Variants in DIMT1 observed in about 807,000 individuals in gnomAD.
DIMT1 encodes the protein DIM1 rRNA methyltransferase and ribosome maturation factor.
In DIMT1, 36 loss-of-function variants were observed where a neutral mutation model predicts 43.2. The ratio of observed to expected loss-of-function variants is 0.83; its 90% CI spans 0.64 to 1.10. The LOEUF is 1.10. DIMT1 is among the 50% of genes least tolerant of loss of function. The pLI is 0.00. For synonymous variants in DIMT1, 126 were observed against 130.3 expected (o/e 0.97, Z 0.22); for missense variants, 341 against 385.3 (o/e 0.88, Z 0.96).
chr5:62,400,860 G>A (rs1475447533), intron 3 of DIMT1, among the ~76,000 whole-genome samples: 1 of 151,838 alleles, frequency 6.6e-6, no homozygotes, highest in Non-Finnish European at 1.5e-5. Context: ...CCAGGCTCAG[G>A]TAAACCTCCC....
intron 10 of DIMT1, chr5:62,391,693 A>G (rs532264492): frequency 2.2e-4 from 282 of 1,270,754 alleles, no homozygotes; most frequent in Non-Finnish European, 2.7e-4. Context: ...CACAAATGAT[A>G]CGCATGAGGC....
intron 6 of DIMT1, among the ~76,000 whole-genome samples, chr5:62,396,613 GAGT>G (rs1453028538): frequency 6.6e-6 from 1 of 152,196 alleles, no homozygotes. Context: ...TGAGAGGAAG[GAGT>G]AGAAGTATTA....
rs1001557023 is a variant in DIMT1 at position 62,387,456 on chromosome 5, C to T, written c.*1554G>A. ...ATTATTTGCATTGGATGGGTACTGT[C>T]TTTGGAAAGTCTCCTTATAGACAAA... is the stretch of plus-strand genomic sequence containing the variant. On this transcript the variant is annotated 3_prime_UTR_variant, in exon 12 of 12. Transcript: ENST00000199320. 6 of 152,164 alleles carry T rather than the reference C, an allele frequency of 3.9e-5. No individual in the cohort carries two copies. Among genetic ancestry groups the T allele is most frequent in the African/African-American group, 1.4e-4 (6 of 41,432 alleles). 9.4% of individuals were successfully genotyped at this position (152,164 alleles called of 1,614,324 possible).
chr5:62,396,230 G>A (rs1481793927), intron 6 of DIMT1, among the ~76,000 whole-genome samples: 7 of 146,390 alleles, frequency 4.8e-5, no homozygotes, highest in East Asian at 2.1e-4. Context: ...AGAAGGGCTG[G>A]GCACCATGGT....
intron 7 of DIMT1, 66 bp downstream of exon 7, chr5:62,394,418 T>G: frequency 6.4e-7 from 1 of 1,566,408 alleles, no homozygotes; most frequent in Non-Finnish European, 8.8e-7. Context: ...GCCACTGCAC[T>G]GCAGCCTGGG....
chr5:62,392,804 T>A (rs1486531279), intron 9 of DIMT1, 122 bp downstream of exon 9: 5 of 550,670 alleles, frequency 9.1e-6, no homozygotes, highest in Non-Finnish European at 1.6e-5. Context: ...GTTTAAAAGG[T>A]GAAGTTTGTC....
chr5:62,403,874 C>A lies in DIMT1; in HGVS notation c.-102G>T. 7.7e-7 allele frequency: 1 copy of A among 1,298,336 alleles called. No individual in the cohort carries two copies. The highest frequency in any genetic ancestry group is 1.1e-6 in the Non-Finnish European group (1 of 937,834). The allele number at this position is 1,298,336 out of a possible 1,614,324, so 80.4% of individuals were successfully genotyped here. A position where few individuals can be genotyped will look rare whatever the true frequency, so the allele number is the denominator to read the frequency against. ...GGGGATCGCCGCCACGCGCCGCCCG[C>A]ACCACTCTGGCCCAAGCGCCGGAGG... On this transcript the variant is annotated 5_prime_UTR_variant, in exon 1 of 12. Transcript: ENST00000199320.
At position 62,398,809 on chromosome 5, in the gene DIMT1, T is replaced by C. The variant is rs377427360; in HGVS notation, c.302+11A>G. Reference sequence around the variant, plus strand: ...ATTGAAATGCACTTTAATTCTATTATGTATACTCACGTGCCCTGAACTCTT... The same window carrying C: ...ATTGAAATGCACTTTAATTCTATTACGTATACTCACGTGCCCTGAACTCTT... On this transcript the variant is annotated intron_variant, in intron 4 of 11. Coordinates refer to ENST00000199320, the MANE Select transcript of DIMT1 (RefSeq NM_014473.4). The C allele has an allele frequency of 4.0e-5, 64 of 1,613,912 alleles. No individual in the cohort carries two copies. The highest frequency in any genetic ancestry group is 6.8e-6 in the Non-Finnish European group (8 of 1,179,866).
chr5:62,395,588 CA>C (rs75941055), intron 6 of DIMT1, among the ~76,000 whole-genome samples: 25,357 of 150,520 alleles, frequency 0.17, 2,280 homozygotes, highest in East Asian at 0.29. Flanking sequence ...CATGTGATTA[CA>C]AAAAAAAAGA....
intron 3 of DIMT1, among the ~76,000 whole-genome samples, chr5:62,400,663 T>C (rs558967351): frequency 6.6e-6 from 1 of 152,034 alleles, no homozygotes; most frequent in Non-Finnish European, 1.5e-5. Context: ...GGATTACAGA[T>C]GTGGGCCACA....
At chr5:62,402,265 G>C in intron 2 of DIMT1, 143 bp from the exon 3 acceptor site, 2 of 791,460 alleles carry the variant, frequency 2.5e-6, no homozygotes, top group South Asian at 3.5e-5. Flanking sequence ...TGATCTACGT[G>C]GTTAACAAAA....
At position 62,390,903 on chromosome 5, in the gene DIMT1, C is replaced by T. The variant is rs755000236; in HGVS notation, c.872G>A (p.Arg291His). 134 of 1,611,884 alleles carry T rather than the reference C, an allele frequency of 8.3e-5. No homozygotes were observed. Among genetic ancestry groups the T allele is most frequent in the Non-Finnish European group, 1.0e-4 (118 of 1,179,826 alleles). ...GATGAAGTCATCTATGTCCATGGAA[C>T]GGGCCCGTTTGTCACTAAAACCTGT... ...TSTGFSDKRARSMDIDDFIRL... is the reference protein window; with the variant it reads ...TSTGFSDKRAHSMDIDDFIRL... Residue 291 changes from arginine (R) to histidine (H), a missense_variant, in exon 11 of 12, where the codon CGT becomes CAT. Physicochemically the swap from Arg to His is conservative, Grantham distance 29. Coordinates refer to ENST00000199320, the MANE Select transcript of DIMT1 (RefSeq NM_014473.4).
chr5:62,393,603 C>T (rs1742378273), intron 8 of DIMT1, among the ~76,000 whole-genome samples: 1 of 152,182 alleles, frequency 6.6e-6, no homozygotes, highest in African/African-American at 2.4e-5. Context: ...TCTAATGTGG[C>T]TGTAGTAAGG....
chr5:62,396,342 T>C (rs1467315843), intron 6 of DIMT1, among the ~76,000 whole-genome samples: 1 of 151,182 alleles, frequency 6.6e-6, no homozygotes, highest in Non-Finnish European at 1.5e-5. Flanking sequence ...GACCCATCTC[T>C]AAAAAAAATA....
At chr5:62,403,590 G>A in intron 1 of DIMT1, 104 bp downstream of exon 1, 1 of 1,383,496 alleles carries the variant, frequency 7.2e-7, no homozygotes, top group Non-Finnish European at 1.0e-6. Context: ...ACGGGAGCGC[G>A]TCCTGACCGG....
chr5:62,397,395 A>G (rs1303231201), intron 6 of DIMT1, among the ~76,000 whole-genome samples: 1 of 152,226 alleles, frequency 6.6e-6, no homozygotes, highest in Non-Finnish European at 1.5e-5. Flanking sequence ...TATCAAGTAC[A>G]AAGTTTGTTT....
intron 11 of DIMT1, among the ~76,000 whole-genome samples, chr5:62,390,659 G>A (rs201377667): frequency 1.3e-4 from 20 of 152,176 alleles, no homozygotes; most frequent in East Asian, 1.2e-3. Flanking sequence ...CTTCTGGCTC[G>A]GACTGTTCTT....
At chr5:62,393,404 C>A (rs916626627) in intron 8 of DIMT1, among the ~76,000 whole-genome samples, 10 of 152,050 alleles carry the variant, frequency 6.6e-5, no homozygotes, top group Admixed American at 5.2e-4. Flanking sequence ...GAAGGAAAAA[C>A]AAAATGGTCC....
rs1561292668 is a variant in DIMT1 at position 62,398,832 on chromosome 5, C to G, written c.290G>C (p.Arg97Thr). 2 of 1,613,756 alleles carry G rather than the reference C, an allele frequency of 1.2e-6. No individual in the cohort carries two copies. Among genetic ancestry groups the G allele is most frequent in the East Asian group, 2.2e-5 (1 of 44,890 alleles). The change falls in exon 4 of 12, where the codon AGA becomes ACA. Residue 97 changes from arginine to threonine, a missense_variant. Arg to Thr is a moderately conservative substitution (Grantham distance 71, BLOSUM62 -1). Coordinates refer to ENST00000199320, the MANE Select transcript of DIMT1 (RefSeq NM_014473.4). ...TATGTATACTCACGTGCCCTGAACT[C>G]TTTTGTGAAGTTCAGCTACTAGCCT... Reference protein sequence around the residue: ...DPRLVAELHKRVQGTPVASKL... With the variant: ...DPRLVAELHKTVQGTPVASKL...
Sources: allele counts gnomAD v4.1 joint callset (sites outside exome capture counted in the v4.1 genomes callset), GRCh38; gene constraint gnomAD v4.1.1; transcripts MANE v1.5; gene names NCBI Gene and HGNC (gene_info 2026-07-23, HGNC 2026-07-21).